Variants in PARP4 observed in about 807,000 individuals in gnomAD.
The protein encoded by PARP4 is poly(ADP-ribose) polymerase family member 4.
Under a neutral mutation model 187.7 loss-of-function variants are expected in PARP4, and 120 were observed. The observed-to-expected ratio is 0.64, with a 90% CI of 0.55 to 0.74. The LOEUF (loss-of-function observed/expected upper bound fraction) is 0.74, where lower values mean the gene tolerates loss of function less well. Among genes scored for constraint, PARP4 ranks in the 30% least tolerant of loss-of-function variants. PARP4 has a pLI of 0.00. For synonymous variants in PARP4, 654 were observed against 740.9 expected (o/e 0.88, Z 1.90); for missense variants, 1,836 against 2,070.5 (o/e 0.89, Z 2.20).
chr13:24,510,443 A>G (rs936029239), intron 1 of PARP4, among the ~76,000 whole-genome samples: 2 of 149,652 alleles, frequency 1.3e-5, no homozygotes, highest in Admixed American at 6.7e-5. Context: ...AGTCCCAGCT[A>G]CTTGGGAGGC....
intron 11 of PARP4, among the ~76,000 whole-genome samples, chr13:24,485,766 T>C (rs1221234775): frequency 1.3e-5 from 2 of 152,212 alleles, no homozygotes; most frequent in African/African-American, 2.4e-5. Context: ...GGAAGACTCA[T>C]GAATATAGAA....
At chr13:24,449,426 TATC>T (rs1871390645) in intron 25 of PARP4, among the ~76,000 whole-genome samples, 1 of 151,870 alleles carries the variant, frequency 6.6e-6, no homozygotes, top group Non-Finnish European at 1.5e-5. Context: ...TGCTAAATTT[TATC>T]ATAATAAGGA....
intron 23 of PARP4, among the ~76,000 whole-genome samples, chr13:24,452,886 G>A (rs1871601548): frequency 1.3e-5 from 2 of 152,100 alleles, no homozygotes; most frequent in Non-Finnish European, 2.9e-5. Flanking sequence ...GCCTGGCTGA[G>A]GCAGCTGGTC....
intron 10 of PARP4, among the ~76,000 whole-genome samples, chr13:24,488,762 C>T (rs187447903): frequency 2.7e-4 from 41 of 152,302 alleles, no homozygotes; most frequent in Non-Finnish European, 4.9e-4. Flanking sequence ...GTAATCACCA[C>T]CTCTAGTTCC....
intron 15 of PARP4, among the ~76,000 whole-genome samples, chr13:24,473,097 ATT>A (rs1593626991): frequency 6.6e-6 from 1 of 152,040 alleles, no homozygotes; most frequent in Non-Finnish European, 1.5e-5. Context: ...CGCTCAGCCA[ATT>A]TTTGTAGAGA....
At chr13:24,505,998 C>T (rs1196681004) in intron 1 of PARP4, among the ~76,000 whole-genome samples, 1 of 152,252 alleles carries the variant, frequency 6.6e-6, no homozygotes, top group Non-Finnish European at 1.5e-5. Context: ...TGCCCTTTCA[C>T]CTCCCACTCC....
At chr13:24,456,156 G>T (rs1303343312) in intron 21 of PARP4, among the ~76,000 whole-genome samples, 185 bp downstream of exon 21, 1 of 152,116 alleles carries the variant, frequency 6.6e-6, no homozygotes, top group Non-Finnish European at 1.5e-5. Flanking sequence ...AAGGGTTTTG[G>T]ATGAAACGTC....
rs1165383843 is a variant in PARP4, at chr13:24,478,181, T to G, written c.1544A>C (p.Glu515Ala). Residue 515 changes from glutamate (E) to alanine (A), a missense_variant, in exon 13 of 34, where the codon GAG becomes GCG. This residue lies in a region of PARP4 where 1,147 missense variants were observed against 1,214.2 expected (regional missense o/e 0.94). Transcript: ENST00000381989. ...TGCTTCAGTTAAGGAAAAGTCCTTC[T>G]CATGTAAGTCCATACACTTTCCGAG... is the stretch of plus-strand genomic sequence containing the variant. The part of the protein sequence containing the change: ...VALGKCMDLH[E>A]KDFSLTEAPP... 1 of 1,613,898 alleles carries G rather than the reference T, an allele frequency of 6.2e-7. No individual in the cohort carries two copies. Among genetic ancestry groups the G allele is most frequent in the South Asian group, 1.1e-5 (1 of 91,062 alleles).
At chr13:24,460,252 A>T (rs1872142970) in intron 17 of PARP4, 116 bp from the exon 18 acceptor site, 2 of 845,330 alleles carry the variant, frequency 2.4e-6, no homozygotes, top group South Asian at 3.4e-5. Context: ...TCTTCCTCAG[A>T]AAACAGTAAT....
At chr13:24,447,434 G>C (rs1972902) in intron 25 of PARP4, among the ~76,000 whole-genome samples, 133,879 of 152,274 alleles carry the variant, frequency 0.88, 59,823 homozygotes, top group East Asian at 0.98. Context: ...AATCTTGGCT[G>C]ACTGCAACCT....
chr13:24,483,262 G>A (rs1476470999), intron 12 of PARP4, among the ~76,000 whole-genome samples: 1 of 151,510 alleles, frequency 6.6e-6, no homozygotes, highest in Non-Finnish European at 1.5e-5. Flanking sequence ...CGAGGCGGGT[G>A]GATCATGAGG....
intron 1 of PARP4, among the ~76,000 whole-genome samples, chr13:24,505,689 C>T (rs957749213): frequency 7.2e-5 from 11 of 152,176 alleles, no homozygotes; most frequent in Admixed American, 3.3e-4. Flanking sequence ...CCACCACGCC[C>T]GGCTAATATT....
At position 24,457,259 on chromosome 13, in the gene PARP4, T is replaced by C. The variant is rs1024652355; in HGVS notation, c.2425-781A>G. On this transcript the variant is annotated intron_variant, in intron 20 of 33. Coordinates refer to ENST00000381989, the MANE Select transcript of PARP4 (RefSeq NM_006437.4). ...ACAAAGGCAAAGGCATGTGCTAGAG[T>C]GTCACATGACCACAAAGTCTCTCCA... is the stretch of plus-strand genomic sequence containing the variant. 7.9e-5 allele frequency among the ~76,000 whole-genome samples: 12 copies of C among 152,214 alleles called. No homozygotes were observed. In the East Asian group the frequency reaches 1.2e-3, roughly 15 times the overall value.
chr13:24,439,131 A>G, intron 30 of PARP4, among the ~76,000 whole-genome samples: 1 of 152,170 alleles, frequency 6.6e-6, no homozygotes, highest in South Asian at 2.1e-4. Flanking sequence ...TAAAACCTAA[A>G]TTAATTTAGA....
At chr13:24,426,386 T>A (rs1593581815) in intron 33 of PARP4, 80 bp downstream of exon 33, 14 of 1,120,986 alleles carry the variant, frequency 1.2e-5, no homozygotes, top group Non-Finnish European at 1.8e-5. Flanking sequence ...GTAAGATAAT[T>A]CCCTATAGCT....
intron 6 of PARP4, 143 bp from the exon 7 acceptor site, chr13:24,494,865 TTTC>T (rs1868858167): frequency 1.8e-6 from 1 of 567,982 alleles, no homozygotes; most frequent in Admixed American, 3.9e-5. Context: ...TTAAATTCTT[TTTC>T]TTTTCTTTTT....
chr13:24,504,348 C>G (rs1181273625), intron 1 of PARP4, among the ~76,000 whole-genome samples: 1 of 118,952 alleles, frequency 8.4e-6, no homozygotes, highest in Non-Finnish European at 1.6e-5. Flanking sequence ...GAATCTCACT[C>G]TGTCACCCAA....
chr13:24,434,465 T>C lies in PARP4; in HGVS notation c.4676A>G (p.Asp1559Gly), dbSNP rs758199241. 15 of 1,611,362 alleles carry C rather than the reference T, an allele frequency of 9.3e-6. No homozygotes were observed. Among genetic ancestry groups the C allele is most frequent in the East Asian group, 2.2e-5 (1 of 44,872 alleles). Reference protein sequence around the residue: ...ILCFLEVKEEDEIVCIQHWQD... With the variant: ...ILCFLEVKEEGEIVCIQHWQD... ...CCAGTGTTGTATGCACACTATTTCA[T>C]CCTCTTCTTTTACTTCCAGAAAGCA... The change falls in exon 31 of 34, where the codon GAT becomes GGT. Residue 1559 changes from aspartate (D) to glycine (G), a missense_variant. By Grantham distance (94) the Asp-to-Gly change is moderately conservative. Transcript: ENST00000381989.
intron 32 of PARP4, among the ~76,000 whole-genome samples, chr13:24,430,654 A>AAAAC (rs1402560751): frequency 1.3e-5 from 2 of 151,948 alleles, no homozygotes; most frequent in Admixed American, 6.6e-5. Flanking sequence ...ATCTTGTCTC[A>AAAAC]AAACAAACAA....
Sources: gnomAD v4.1 joint callset for allele counts (sites outside exome capture counted in the v4.1 genomes callset) on GRCh38, gnomAD v4.1.1 for gene constraint, gnomAD v4.1.1 regional missense constraint, MANE v1.5 for transcripts, NCBI Gene and HGNC (gene_info 2026-07-23, HGNC 2026-07-21) for gene names.